Variants in CENPE observed in about 807,000 individuals in gnomAD.
CENPE encodes the protein centromere protein E.
Under a neutral mutation model 336.1 loss-of-function variants are expected in CENPE, and 145 were observed. The ratio of observed to expected loss-of-function variants is 0.43; its 90% CI spans 0.38 to 0.50. The LOEUF is 0.50. Ranked by LOEUF, CENPE falls within the 20% of genes least tolerant of loss-of-function variation. The probability of loss-of-function intolerance (pLI) is 0.00; values close to 1 mark genes in which losing one functional copy is unlikely to be tolerated. For missense variants in CENPE, 2,719 were observed against 3,023.3 expected (o/e 0.90, Z 2.36); for synonymous variants, 1,013 against 984.8 (o/e 1.03, Z -0.54).
intron 26 of CENPE, among the ~76,000 whole-genome samples, chr4:103,150,134 T>C (rs1048466682): frequency 2.6e-5 from 4 of 152,204 alleles, no homozygotes; most frequent in Non-Finnish European, 5.9e-5. Flanking sequence ...TCCAATAAGA[T>C]GCTTATGGGT....
At chr4:103,124,752 T>C (rs1400169484) in intron 42 of CENPE, among the ~76,000 whole-genome samples, 1 of 152,226 alleles carries the variant, frequency 6.6e-6, no homozygotes, top group Non-Finnish European at 1.5e-5. Context: ...GCCCCATTAG[T>C]CTCATCCCTA....
At chr4:103,107,555 C>A (rs1257259956) in intron 48 of CENPE, among the ~76,000 whole-genome samples, 3 of 152,192 alleles carry the variant, frequency 2.0e-5, no homozygotes, top group African/African-American at 7.2e-5. Flanking sequence ...AAGGGCTGTG[C>A]ACAGTAGATG....
chr4:103,183,368 G>A, intron 9 of CENPE, 80 bp from the exon 10 acceptor site: 2 of 1,064,838 alleles, frequency 1.9e-6, no homozygotes, highest in South Asian at 1.4e-5. Flanking sequence ...AAGTTAATGA[G>A]AGAAATTAGA....
At chr4:103,120,528 T>G (rs1451092798) in intron 43 of CENPE, among the ~76,000 whole-genome samples, 195 bp from the exon 44 acceptor site, 1 of 152,226 alleles carries the variant, frequency 6.6e-6, no homozygotes, top group East Asian at 1.9e-4. Flanking sequence ...ATTTTTGGAT[T>G]GAAAATGTCA....
At chr4:103,143,438 T>C in intron 33 of CENPE, 32 bp from the exon 34 acceptor site, 2 of 1,389,024 alleles carry the variant, frequency 1.4e-6, no homozygotes, top group Non-Finnish European at 2.0e-6. Flanking sequence ...AATAATACAT[T>C]GAGAGTAGTA....
chr4:103,166,748 A>AT lies in CENPE; in HGVS notation c.1648-3196dup, dbSNP rs1366446320. Reference sequence around the variant, plus strand: ...TTAACTACATAAAACACTGGGTCTTATTTTTTTTTGAAGGGGGGATGTTCA... The same window carrying AT: ...TTAACTACATAAAACACTGGGTCTTATTTTTTTTTTGAAGGGGGGATGTTCA... On this transcript the variant is annotated intron_variant, in intron 16 of 48. Coordinates refer to ENST00000265148, the MANE Select transcript of CENPE (RefSeq NM_001813.3). Among the ~76,000 whole-genome samples the AT allele has an allele frequency of 1.7e-3, 254 of 151,210 alleles. 2 individuals are homozygous for AT. The highest frequency in any genetic ancestry group is 5.7e-3 in the African/African-American group (235 of 41,314).
At chr4:103,194,190 G>C (rs1164283073) in intron 8 of CENPE, 39 bp downstream of exon 8, 3 of 1,502,254 alleles carry the variant, frequency 2.0e-6, no homozygotes, top group Non-Finnish European at 2.8e-6. Flanking sequence ...ATTTTGTTTT[G>C]GCCCATACAG....
At chr4:103,185,884 T>C (rs752390356) in intron 8 of CENPE, 23 bp from the exon 9 acceptor site, 1 of 1,543,112 alleles carries the variant, frequency 6.5e-7, no homozygotes, top group Non-Finnish European at 8.9e-7. Context: ...TAAAAATAAA[T>C]CCTTAGGGCA....
At chr4:103,168,253 G>A (rs966981838) in intron 16 of CENPE, among the ~76,000 whole-genome samples, 4 of 152,194 alleles carry the variant, frequency 2.6e-5, no homozygotes, top group South Asian at 4.2e-4. Context: ...AAGCTATCTC[G>A]ACTGTATTGG....
At chr4:103,182,704 G>A (rs1756423415) in intron 11 of CENPE, 58 bp downstream of exon 11, 2 of 1,425,180 alleles carry the variant, frequency 1.4e-6, no homozygotes, top group African/African-American at 1.4e-5. Context: ...AGTAGGTAAT[G>A]TTTTCTTCTT....
In CENPE at chr4:103,110,821, A is replaced by T. The variant is rs1294718706; in HGVS notation, c.7724+7T>A. ...CATAATATCCGTATCATGTAAGCAG[A>T]TCTTACCTTAACAATTCATTCTTTT... On this transcript the variant is annotated splice_region_variant and intron_variant, in intron 47 of 48. Transcript: ENST00000265148. 8.2e-6 allele frequency: 13 copies of T among 1,584,152 alleles called. 1 individual carries two copies. The East Asian group carries it at 2.7e-4, about 33-fold the overall frequency.
chr4:103,162,533 T>A (rs1455421567), intron 18 of CENPE, among the ~76,000 whole-genome samples: 2 of 151,754 alleles, frequency 1.3e-5, no homozygotes, highest in Non-Finnish European at 2.9e-5. Flanking sequence ...TGCATTTGTA[T>A]AAAACTACTG....
chr4:103,194,742 C>A, intron 5 of CENPE, 58 bp from the exon 6 acceptor site: 1 of 1,323,638 alleles, frequency 7.6e-7, no homozygotes, highest in East Asian at 2.3e-5. Context: ...GTTTGCTTTT[C>A]AAAAGAAGGT....
rs758893437 is a variant in CENPE at position 103,141,077 on chromosome 4, G to T, written c.5491C>A (p.Gln1831Lys). Residue 1831 changes from glutamine (Q) to lysine (K), a missense_variant, in exon 36 of 49, where the codon CAA becomes AAA. By Grantham distance (53) the Gln-to-Lys change is moderately conservative. Coordinates refer to ENST00000265148, the MANE Select transcript of CENPE (RefSeq NM_001813.3). ...ACATCTTTTTTTAACGTAATAAGTTGATGTTCATTTGCCTTAAGTTCTTGA... is the reference window on the plus strand; with the variant it reads ...ACATCTTTTTTTAACGTAATAAGTTTATGTTCATTTGCCTTAAGTTCTTGA... ...KIQELKANEH[Q>K]LITLKKDVNE... is the part of the protein sequence containing the mutation. The T allele has an allele frequency of 1.3e-6, 2 of 1,574,616 alleles. No individual in the cohort carries two copies. Among genetic ancestry groups the T allele is most frequent in the Non-Finnish European group, 1.7e-6 (2 of 1,159,218 alleles).
chr4:103,160,588 T>C, intron 21 of CENPE, 37 bp downstream of exon 21: 1 of 1,549,630 alleles, frequency 6.5e-7, no homozygotes, highest in Non-Finnish European at 8.7e-7. Flanking sequence ...AGGTTTTTAT[T>C]TCAAAATAAG....
At chr4:103,153,559 A>T (rs1753731726) in intron 24 of CENPE, among the ~76,000 whole-genome samples, 1 of 152,196 alleles carries the variant, frequency 6.6e-6, no homozygotes. Context: ...AACAATATGG[A>T]CAACTACAAA....
intron 13 of CENPE, among the ~76,000 whole-genome samples, chr4:103,177,468 T>C (rs563264540): frequency 3.3e-5 from 5 of 151,820 alleles, no homozygotes; most frequent in Admixed American, 6.6e-5. Flanking sequence ...TCTCATCTTA[T>C]TTGACTCTCT....
At chr4:103,122,827 G>C in intron 43 of CENPE, 44 bp downstream of exon 43, 1 of 1,430,434 alleles carries the variant, frequency 7.0e-7, no homozygotes, top group East Asian at 2.3e-5. Context: ...TAAACTCTGT[G>C]ATGAAGCTGC....
At chr4:103,165,422 T>G (rs945320794) in intron 16 of CENPE, among the ~76,000 whole-genome samples, 9 of 152,198 alleles carry the variant, frequency 5.9e-5, no homozygotes, top group Non-Finnish European at 5.9e-5. Context: ...TGTTACTATA[T>G]TCCCACTAGA....
Sources: allele counts gnomAD v4.1 joint callset (sites outside exome capture counted in the v4.1 genomes callset), GRCh38; gene constraint gnomAD v4.1.1; transcripts MANE v1.5; gene names NCBI Gene and HGNC (gene_info 2026-07-23, HGNC 2026-07-21).